Variants in B3GALT1 observed in about 807,000 individuals in gnomAD.
The protein encoded by B3GALT1 is UDP-Gal:betaGlcNAc beta 1,3-galactosyltransferase, polypeptide 1.
A neutral mutation model predicts 23.2 loss-of-function variants in B3GALT1; 10 were observed. The observed-to-expected ratio is 0.43, with a 90% confidence interval of 0.27 to 0.73. The LOEUF (loss-of-function observed/expected upper bound fraction) is 0.73, where lower values mean the gene tolerates loss of function less well. Ranked by LOEUF, B3GALT1 falls within the 30% of genes least tolerant of loss-of-function variation. The pLI is 0.21. For synonymous variants in B3GALT1, 156 were observed against 141.5 expected, an observed-to-expected ratio of 1.10 and a Z score of -0.73; for missense variants, 299 against 405.4, an observed-to-expected ratio of 0.74 and a Z score of 2.25.
rs541851577 is a variant in B3GALT1, at chr2:167,867,103, T to G, written c.-229-1708T>G. Among the ~76,000 whole-genome samples, 10 of 152,152 alleles carry G rather than the reference T, an allele frequency of 6.6e-5. No homozygotes were observed. The East Asian group carries it at 9.7e-4, about 15-fold the overall frequency. ...CACTACGCCTGGCTAATTTTTTGTA[T>G]TTTTAGTAGAGACGGGGTTTCACCG... On this transcript the variant is annotated intron_variant, in intron 4 of 4. Transcript: ENST00000392690.
intron 2 of B3GALT1, among the ~76,000 whole-genome samples, chr2:167,521,985 T>TATATATATATATATATATATATACACAC (rs1491425862): frequency 5.8e-5 from 6 of 103,356 alleles, no homozygotes; most frequent in South Asian, 3.1e-4. Context: ...TGTGTGTGTG[T>TATATATATATATATATATATATACACAC]ATATATATAT....
intron 3 of B3GALT1, among the ~76,000 whole-genome samples, chr2:167,807,003 G>T (rs1688769773): frequency 6.6e-6 from 1 of 152,110 alleles, no homozygotes; most frequent in Non-Finnish European, 1.5e-5. Flanking sequence ...CCTGTTATTG[G>T]TCTATTCAGA....
At chr2:167,521,579 A>C (rs1700189000) in intron 2 of B3GALT1, among the ~76,000 whole-genome samples, 1 of 152,092 alleles carries the variant, frequency 6.6e-6, no homozygotes, top group East Asian at 1.9e-4. Context: ...GTTCTTTAGT[A>C]ATACTAAAGA....
intron 2 of B3GALT1, among the ~76,000 whole-genome samples, chr2:167,540,464 T>A (rs1683517187): frequency 6.6e-6 from 1 of 152,194 alleles, no homozygotes; most frequent in African/African-American, 2.4e-5. Flanking sequence ...AGGCTACTTA[T>A]TTGGTGCCTG....
intron 2 of B3GALT1, among the ~76,000 whole-genome samples, chr2:167,532,980 G>T (rs1683354740): frequency 6.6e-6 from 1 of 150,914 alleles, no homozygotes; most frequent in South Asian, 2.1e-4. Context: ...TCCTGCCTCA[G>T]CCTCCAGAAT....
At chr2:167,829,726 T>C (rs1298702528) in intron 4 of B3GALT1, among the ~76,000 whole-genome samples, 1 of 152,132 alleles carries the variant, frequency 6.6e-6, no homozygotes, top group Non-Finnish European at 1.5e-5. Context: ...ACCCCTCCCC[T>C]TGGCTAAGAT....
intron 3 of B3GALT1, among the ~76,000 whole-genome samples, chr2:167,724,809 T>C (rs1175106607): frequency 1.3e-5 from 2 of 152,066 alleles, no homozygotes; most frequent in Admixed American, 1.3e-4. Flanking sequence ...TTAGTTGGAG[T>C]GTAAGAAAAA....
chr2:167,323,604 G>A (rs961644332), intron 1 of B3GALT1, among the ~76,000 whole-genome samples: 1 of 152,086 alleles, frequency 6.6e-6, no homozygotes, highest in Non-Finnish European at 1.5e-5. Flanking sequence ...GAGAGAATGT[G>A]ATGCAGCAGA....
chr2:167,669,406 CT>C, intron 3 of B3GALT1, among the ~76,000 whole-genome samples: 1 of 152,102 alleles, frequency 6.6e-6, no homozygotes, highest in Non-Finnish European at 1.5e-5. Context: ...TGAATATGGT[CT>C]GGTTTTTTTC....
In B3GALT1 at chr2:167,869,043, G is replaced by A. The variant is rs752421603; in HGVS notation, c.4G>A (p.Ala2Thr). ...GAATAGACGTGTTCTCAAGACAATG[G>A]CTTCAAAGGTCTCCTGTTTGTATGT... Reference protein sequence around the residue: MASKVSCLYVLT... With the variant: MTSKVSCLYVLT... The change falls in exon 5 of 5, where the codon GCT becomes ACT. Residue 2 changes from alanine (A) to threonine (T), a missense_variant. Around this residue, in one of 3 missense-constraint regions of B3GALT1, gnomAD observed 162 missense variants for 184.1 expected, o/e 0.88. Transcript: ENST00000392690. The surrounding 1 kb of genome is among the most constrained non-coding windows in gnomAD (Gnocchi z 6.4). The A allele has an allele frequency of 6.3e-7, 1 of 1,598,602 alleles. No homozygotes were observed. Among genetic ancestry groups the A allele is most frequent in the East Asian group, 2.2e-5 (1 of 44,674 alleles).
chr2:167,548,519 C>T (rs192698704), intron 2 of B3GALT1, among the ~76,000 whole-genome samples: 58 of 152,224 alleles, frequency 3.8e-4, no homozygotes, highest in Non-Finnish European at 6.6e-4. Context: ...TTCTCCTTTT[C>T]CTCCCTCCTG....
chr2:167,594,630 G>A (rs1160688389), intron 2 of B3GALT1, among the ~76,000 whole-genome samples: 3 of 151,970 alleles, frequency 2.0e-5, no homozygotes, highest in African/African-American at 7.2e-5. Flanking sequence ...ACTTGGATAG[G>A]GGCCTGGCAC....
At chr2:167,755,801 C>A (rs1440567164) in intron 3 of B3GALT1, among the ~76,000 whole-genome samples, 1 of 151,728 alleles carries the variant, frequency 6.6e-6, no homozygotes, top group Admixed American at 6.6e-5. Flanking sequence ...GACCTCATCT[C>A]TACAAAAATA....
chr2:167,688,200 C>T (rs1361835189), intron 3 of B3GALT1, among the ~76,000 whole-genome samples: 1 of 152,030 alleles, frequency 6.6e-6, no homozygotes, highest in Non-Finnish European at 1.5e-5. Flanking sequence ...CCATCTGAGC[C>T]TCATTTCCCT....
At chr2:167,774,497 G>GT (rs397986581) in intron 3 of B3GALT1, among the ~76,000 whole-genome samples, 1,943 of 82,994 alleles carry the variant, frequency 0.023, 99 homozygotes, top group East Asian at 0.13. Flanking sequence ...TTTTTTTTTT[G>GT]TTTTTTTTTT....
intron 2 of B3GALT1, among the ~76,000 whole-genome samples, chr2:167,583,434 T>A (rs1684524073): frequency 6.6e-6 from 1 of 152,206 alleles, no homozygotes; most frequent in Admixed American, 6.5e-5. Flanking sequence ...CTCTCCCTTT[T>A]TTTTACCTGC....
chr2:167,293,710 C>G (rs1389446043), intron 1 of B3GALT1, among the ~76,000 whole-genome samples: 1 of 152,074 alleles, frequency 6.6e-6, no homozygotes, highest in African/African-American at 2.4e-5. Flanking sequence ...AGGTAGAACG[C>G]ACGGAGCGCA....
intron 1 of B3GALT1, among the ~76,000 whole-genome samples, chr2:167,462,367 A>T (rs1400973771): frequency 6.6e-6 from 1 of 152,198 alleles, no homozygotes; most frequent in African/African-American, 2.4e-5. Context: ...TCCTTGATTT[A>T]GGCTACTCCT....
At chr2:167,322,267 A>G (rs1021318402) in intron 1 of B3GALT1, among the ~76,000 whole-genome samples, 4 of 151,858 alleles carry the variant, frequency 2.6e-5, no homozygotes, top group African/African-American at 4.8e-5. Context: ...CAATTAGAAC[A>G]TTCCTAAAAA....
Sources: allele counts gnomAD v4.1 joint callset (sites outside exome capture counted in the v4.1 genomes callset), GRCh38; gene constraint gnomAD v4.1.1; regional missense constraint gnomAD v4.1.1; non-coding constraint Gnocchi (gnomAD v3.1); transcripts MANE v1.5; gene names NCBI Gene and HGNC (gene_info 2026-07-23, HGNC 2026-07-21).